IGDCC3: variants seen among roughly 807,000 people sequenced by gnomAD.
IGDCC3 encodes immunoglobulin superfamily DCC subclass member 3, also known as putative neuronal cell adhesion molecule.
Under a neutral mutation model 72.0 loss-of-function variants are expected in IGDCC3, and 47 were observed. The ratio of observed to expected loss-of-function variants is 0.65; its 90% confidence interval spans 0.52 to 0.83. IGDCC3 has a LOEUF of 0.83. Ranked by LOEUF, IGDCC3 falls within the 40% of genes least tolerant of loss-of-function variation. The pLI, the probability that IGDCC3 is intolerant of heterozygous loss-of-function variation, is 0.00. For synonymous variants in IGDCC3, 477 were observed against 472.8 expected, an observed-to-expected ratio of 1.01 and a Z score of -0.11; for missense variants, 1,038 against 1,091.3, an observed-to-expected ratio of 0.95 and a Z score of 0.69.
chr15:65,357,145 C>A (rs1415737471), intron 2 of IGDCC3, among the ~76,000 whole-genome samples: 8 of 151,906 alleles, frequency 5.3e-5, no homozygotes, highest in Non-Finnish European at 1.2e-4. Context: ...AGCCACCACA[C>A]CCGGCCTGGA....
At position 65,331,395 on chromosome 15, in the gene IGDCC3, G is replaced by A; in HGVS notation, c.1396+17C>T. The A allele has an allele frequency of 3.8e-6, 6 of 1,591,338 alleles. No homozygotes were observed. Among genetic ancestry groups the A allele is most frequent in the Non-Finnish European group, 5.1e-6 (6 of 1,166,508 alleles). ...TAGTGAATTAGAGGAAGGGGCAACA[G>A]AGCTGGCCACGCGCACCAGCAGCCT... is the stretch of plus-strand genomic sequence containing the variant. On this transcript the variant is annotated intron_variant, in intron 8 of 13. Coordinates refer to ENST00000327987, the MANE Select transcript of IGDCC3 (RefSeq NM_004884.4).
At chr15:65,341,522 G>A (rs1262727557) in intron 2 of IGDCC3, among the ~76,000 whole-genome samples, 1 of 152,184 alleles carries the variant, frequency 6.6e-6, no homozygotes, top group African/African-American at 2.4e-5. Flanking sequence ...CCATTGAGTG[G>A]AATATTATTC....
At chr15:65,352,538 A>C (rs1205003135) in intron 2 of IGDCC3, among the ~76,000 whole-genome samples, 1 of 152,176 alleles carries the variant, frequency 6.6e-6, no homozygotes, top group Non-Finnish European at 1.5e-5. Context: ...TAACAAGTAA[A>C]GAATGTCACT....
chr15:65,340,905 T>C (rs1037832172), intron 2 of IGDCC3, among the ~76,000 whole-genome samples: 1 of 152,094 alleles, frequency 6.6e-6, no homozygotes, highest in Non-Finnish European at 1.5e-5. Context: ...ATTTTTGTAA[T>C]TTTAGTAGAG....
At chr15:65,332,309 TCCTCCCC>T (rs754276431) in intron 6 of IGDCC3, among the ~76,000 whole-genome samples, 101 of 152,064 alleles carry the variant, frequency 6.6e-4, no homozygotes, top group Non-Finnish European at 1.4e-3. Context: ...CCCTCTTCCC[TCCTCCCC>T]AGGCAGACCT....
chr15:65,336,165 A>G (rs551248931), intron 2 of IGDCC3, among the ~76,000 whole-genome samples: 1 of 152,270 alleles, frequency 6.6e-6, no homozygotes, highest in East Asian at 1.9e-4. Flanking sequence ...GAGGTGGTAT[A>G]GGCTGGGCTG....
At chr15:65,332,400 T>C (rs2090986524) in intron 6 of IGDCC3, among the ~76,000 whole-genome samples, 1 of 152,148 alleles carries the variant, frequency 6.6e-6, no homozygotes. Context: ...GAACTCCCTG[T>C]TCAGGAAATT....
At position 65,377,613 on chromosome 15, in the gene IGDCC3, C is replaced by T. The variant is rs1025668080; in HGVS notation, c.103+73G>A. 4 of 1,316,658 alleles carry T rather than the reference C, an allele frequency of 3.0e-6. No homozygotes were observed. In the East Asian group the frequency reaches 1.2e-4, roughly 41 times the overall value. 81.6% of individuals were successfully genotyped at this position (1,316,658 alleles called of 1,614,324 possible). A position where few individuals can be genotyped will look rare whatever the true frequency, so the allele number is the denominator to read the frequency against. On this transcript the variant is annotated intron_variant, in intron 1 of 13. Transcript: ENST00000327987. This position sits in a 1 kb window ranked among gnomAD's most constrained non-coding sequence, Gnocchi z 4.9. ...CCGCTCTCCCCGGGTCCGCCCCTCG[C>T]GCCCGCTCCCTCCCTGCTCGCCCTT...
rs200817130 is a variant in IGDCC3, at chr15:65,331,516, C to T, written c.1292G>A (p.Arg431Gln). 3.8e-4 allele frequency: 612 copies of T among 1,613,786 alleles called. No homozygotes were observed. Among genetic ancestry groups the T allele is most frequent in the Admixed American group, 5.5e-4 (33 of 60,016 alleles). The change falls in exon 8 of 14, where the codon CGG becomes CAG. Residue 431 changes from arginine (R) to glutamine (Q), a missense_variant. Coordinates refer to ENST00000327987, the MANE Select transcript of IGDCC3 (RefSeq NM_004884.4). Reference protein sequence around the residue: ...EGLPGPPRNVRAVSVSSTEVR... With the variant: ...EGLPGPPRNVQAVSVSSTEVR... Reference sequence around the variant, plus strand: ...CTCAGTGGAAGACACAGAGACTGCCCGCACATTGCGGGGAGGCCCGGGGAG... The same window carrying T: ...CTCAGTGGAAGACACAGAGACTGCCTGCACATTGCGGGGAGGCCCGGGGAG...
intron 2 of IGDCC3, among the ~76,000 whole-genome samples, chr15:65,370,606 ATATATATGTATGTG>A (rs1190933555): frequency 3.0e-5 from 3 of 99,550 alleles, no homozygotes; most frequent in Non-Finnish European, 5.9e-5. Context: ...ATGTATGTGT[ATATATATGTATGTG>A]TATATATATA....
chr15:65,371,719 T>C (rs2140172817), intron 2 of IGDCC3, among the ~76,000 whole-genome samples: 1 of 152,266 alleles, frequency 6.6e-6, no homozygotes, highest in South Asian at 2.1e-4. Flanking sequence ...GGGGCAGGGA[T>C]TGAGGGTGGC....
rs571619685 is a variant in IGDCC3 at position 65,359,046 on chromosome 15, G to A, written c.409+16051C>T. 1.9e-4 allele frequency among the ~76,000 whole-genome samples: 29 copies of A among 152,170 alleles called. 1 individual carries two copies. The East Asian group carries it at 5.0e-3, about 26-fold the overall frequency. On this transcript the variant is annotated intron_variant, in intron 2 of 13. Coordinates refer to ENST00000327987, the MANE Select transcript of IGDCC3 (RefSeq NM_004884.4). ...TCACCATGTTGGCCAGGCTGGTCTC[G>A]AAGTCCTAACTTCAAGTGATGCACC...
At chr15:65,342,946 G>C (rs2091095285) in intron 2 of IGDCC3, among the ~76,000 whole-genome samples, 2 of 152,154 alleles carry the variant, frequency 1.3e-5, no homozygotes, top group Non-Finnish European at 1.5e-5. Flanking sequence ...TGAGGTAGTG[G>C]TATAGGGAGG....
chr15:65,377,305 C>T lies in IGDCC3; in HGVS notation c.103+381G>A, dbSNP rs2091364693. The stretch of plus-strand genomic sequence containing the variant: ...TCTTGGCTGCCTCGGGCTATGTCCA[C>T]GGCCGGGCACCCAGCACCCCAGCTC... On this transcript the variant is annotated intron_variant, in intron 1 of 13. Coordinates refer to ENST00000327987, the MANE Select transcript of IGDCC3 (RefSeq NM_004884.4). This position sits in a 1 kb window ranked among gnomAD's most constrained non-coding sequence, Gnocchi z 4.9. 2.6e-5 allele frequency among the ~76,000 whole-genome samples: 4 copies of T among 152,320 alleles called. No individual in the cohort carries two copies. Among genetic ancestry groups the T allele is most frequent in the African/African-American group, 9.6e-5 (4 of 41,572 alleles).
intron 10 of IGDCC3, 50 bp downstream of exon 10, chr15:65,330,500 A>G (rs2090966684): frequency 6.3e-7 from 1 of 1,588,124 alleles, no homozygotes. Context: ...CCTGGCCCTC[A>G]GCGCCGCACT....
At position 65,356,870 on chromosome 15, in the gene IGDCC3, G is replaced by C. The variant is rs609121; in HGVS notation, c.409+18227C>G. Among the ~76,000 whole-genome samples, 3 of 43,004 alleles carry C rather than the reference G, an allele frequency of 7.0e-5. No homozygotes were observed. The South Asian group carries it at 1.4e-3, about 20-fold the overall frequency. The allele number at this position is 43,004 out of a possible 152,430, so 28.2% of individuals were successfully genotyped here. A position where few individuals can be genotyped will look rare whatever the true frequency, so the allele number is the denominator to read the frequency against. ...CTGCTTTTTTTTTTTTTTTTTTTGA[G>C]ATGGAGTCTTGCTCTGTCTTCCAGG... On this transcript the variant is annotated intron_variant, in intron 2 of 13. Coordinates refer to ENST00000327987, the MANE Select transcript of IGDCC3 (RefSeq NM_004884.4).
rs1361870770 is a variant in IGDCC3, at chr15:65,377,934, G to A, written c.-146C>T. 4 of 729,208 alleles carry A rather than the reference G, an allele frequency of 5.5e-6. No homozygotes were observed. The East Asian group carries it at 3.6e-4, about 65-fold the overall frequency. The allele number at this position is 729,208 out of a possible 1,614,324, so 45.2% of individuals were successfully genotyped here. A position where few individuals can be genotyped will look rare whatever the true frequency, so the allele number is the denominator to read the frequency against. On this transcript the variant is annotated 5_prime_UTR_variant, in exon 1 of 14. Transcript: ENST00000327987. This position sits in a 1 kb window ranked among gnomAD's most constrained non-coding sequence, Gnocchi z 4.9. ...GGTGGGGGACTGGGGCCGCATGCCT[G>A]CTCAGCAGCGCGGGGGGCGCAGGGG...
At chr15:65,375,939 A>G (rs1443719348) in intron 1 of IGDCC3, among the ~76,000 whole-genome samples, 1 of 152,246 alleles carries the variant, frequency 6.6e-6, no homozygotes, top group Non-Finnish European at 1.5e-5. Flanking sequence ...CAAAGGCACT[A>G]TGAAAAATTT....
At chr15:65,357,578 C>T (rs1234452210) in intron 2 of IGDCC3, among the ~76,000 whole-genome samples, 7 of 152,210 alleles carry the variant, frequency 4.6e-5, no homozygotes, top group South Asian at 2.1e-4. Flanking sequence ...AGGGACCAAA[C>T]GAGCAGGAGC....
Sources: gnomAD v4.1 joint callset for allele counts (sites outside exome capture counted in the v4.1 genomes callset) on GRCh38, gnomAD v4.1.1 for gene constraint, Gnocchi (gnomAD v3.1) non-coding constraint, MANE v1.5 for transcripts, NCBI Gene and HGNC (gene_info 2026-07-23, HGNC 2026-07-21) for gene names.